The following SECISBP2 variants were observed in gnomAD, a reference collection of about 807,000 sequenced individuals.
SECISBP2 encodes the protein selenocysteine insertion sequence-binding protein 2.
Under a neutral mutation model 98.2 loss-of-function variants are expected in SECISBP2, and 96 were observed. The observed-to-expected ratio is 0.98, with a 90% confidence interval of 0.83 to 1.16. The LOEUF is 1.16. Among genes scored for constraint, SECISBP2 ranks in the 50% most tolerant of loss-of-function variants. The probability of loss-of-function intolerance (pLI) is 0.00; values close to 1 mark genes in which losing one functional copy is unlikely to be tolerated. For missense variants in SECISBP2, 1,046 were observed against 1,022.9 expected, an observed-to-expected ratio of 1.02 and a Z score of -0.31; for synonymous variants, 407 against 370.2, an observed-to-expected ratio of 1.10 and a Z score of -1.14.
intron 7 of SECISBP2, among the ~76,000 whole-genome samples, chr9:89,336,217 A>G (rs1022369785): frequency 7.0e-6 from 1 of 143,804 alleles, no homozygotes; most frequent in African/African-American, 2.6e-5. Context: ...TGTATTTTTT[A>G]TAGAGACAGG....
intron 4 of SECISBP2, among the ~76,000 whole-genome samples, chr9:89,326,456 C>T (rs1427997358): frequency 3.3e-5 from 5 of 152,166 alleles, no homozygotes; most frequent in Non-Finnish European, 5.9e-5. Flanking sequence ...AGAGGTTATG[C>T]GTTTTATGCT....
intron 7 of SECISBP2, among the ~76,000 whole-genome samples, chr9:89,337,537 GT>G (rs777840142): frequency 2.0e-5 from 3 of 151,918 alleles, no homozygotes; most frequent in Non-Finnish European, 4.4e-5. Flanking sequence ...CTGTTTTTTT[GT>G]TTTGTTTTGT....
chr9:89,364,272 G>T, downstream of SECISBP2: 1 of 418,404 alleles, frequency 2.4e-6, no homozygotes, highest in Non-Finnish European at 4.5e-6. Flanking sequence ...CTGGGCCTTG[G>T]AACAGCATCC....
chr9:89,334,694 C>T lies in SECISBP2; in HGVS notation c.1053C>T (p.Tyr351=). 1.2e-6 allele frequency: 2 copies of T among 1,613,892 alleles called. No individual in the cohort carries two copies. Among genetic ancestry groups the T allele is most frequent in the Non-Finnish European group, 8.5e-7 (1 of 1,179,922 alleles). ...SSEALSSDPS[Y]NKEKHIIHPT... ...AAGCTTTATCTTCGGATCCTTCCTA[C>T]AACAAAGAAAAACACATTATTCATC... Residue 351 remains tyrosine, a synonymous_variant, in exon 7 of 17, where the codon TAC becomes TAT. Transcript: ENST00000375807.
intron 2 of SECISBP2, chr9:89,324,179 G>A (rs949426562): frequency 1.4e-4 from 22 of 152,096 alleles, no homozygotes; most frequent in African/African-American, 5.1e-4. Flanking sequence ...ATACAGCACA[G>A]AATTCACAGG....
Position 89,319,509 on chromosome 9 carries a change from TTCTTG to T in SECISBP2, c.37-138_37-134del, listed in dbSNP as rs1297409617. 64 of 914,154 alleles carry T rather than the reference TTCTTG, an allele frequency of 7.0e-5. 1 individual carries two copies. The Admixed American group carries it at 1.1e-3, about 16-fold the overall frequency. The allele number at this position is 914,154 out of a possible 1,614,324, so 56.6% of individuals were successfully genotyped here. A position where few individuals can be genotyped will look rare whatever the true frequency, so the allele number is the denominator to read the frequency against. On this transcript the variant is annotated intron_variant, in intron 1 of 16. Transcript: ENST00000375807. ...TGGGGAGAAATCGTTAGCAAGCAGG[TTCTTG>T]TCTTTACGAGGCAGAAGTTTTTAAA...
intron 1 of SECISBP2, chr9:89,319,071 A>T: frequency 1.0e-6 from 1 of 1,003,080 alleles, no homozygotes; most frequent in Non-Finnish European, 1.2e-6. Context: ...GGTGAAAGTA[A>T]ATCTCTTACT....
the SECISBP2 span, among the ~76,000 whole-genome samples, chr9:89,365,864 A>C: frequency 6.6e-6 from 1 of 152,220 alleles, no homozygotes; most frequent in Non-Finnish European, 1.5e-5. Flanking sequence ...CAGTTTAATG[A>C]AGCTGACTTT....
At chr9:89,319,580 T>G in intron 1 of SECISBP2, 72 bp from the exon 2 acceptor site, 2 of 1,551,768 alleles carry the variant, frequency 1.3e-6, no homozygotes, top group Non-Finnish European at 1.8e-6. Flanking sequence ...GAACACCTCT[T>G]GGGTCTTTTT....
chr9:89,357,069 C>T (rs1832199894), intron 14 of SECISBP2: 2 of 368,028 alleles, frequency 5.4e-6, no homozygotes, highest in Non-Finnish European at 1.0e-5. Flanking sequence ...CTTAACCTTT[C>T]TGTGCCTCTG....
chr9:89,357,814 C>G (rs941494148), intron 15 of SECISBP2, among the ~76,000 whole-genome samples, 185 bp from the exon 16 acceptor site: 1 of 152,142 alleles, frequency 6.6e-6, no homozygotes, highest in African/African-American at 2.4e-5. Context: ...CTCAGGCAGG[C>G]CCAAGAAGTC....
chr9:89,354,502 A>G (rs985873402), intron 14 of SECISBP2, among the ~76,000 whole-genome samples: 2 of 152,204 alleles, frequency 1.3e-5, no homozygotes, highest in East Asian at 3.8e-4. Context: ...TTAGAGACTC[A>G]GCGCCTAGGG....
At chr9:89,357,962 C>A (rs376688274) in intron 15 of SECISBP2, 37 bp from the exon 16 acceptor site, 3 of 1,609,126 alleles carry the variant, frequency 1.9e-6, no homozygotes, top group Non-Finnish European at 2.5e-6. Context: ...TCCTCTGTAG[C>A]TGGGATGTTA....
intron 10 of SECISBP2, among the ~76,000 whole-genome samples, chr9:89,343,722 T>G (rs1363041188): frequency 6.6e-6 from 1 of 152,282 alleles, no homozygotes; most frequent in Non-Finnish European, 1.5e-5. Context: ...GTACCACATT[T>G]TCTTTATCCA....
At chr9:89,328,945 T>G in intron 5 of SECISBP2, 59 bp downstream of exon 5, 2 of 1,347,918 alleles carry the variant, frequency 1.5e-6, no homozygotes, top group Non-Finnish European at 2.1e-6. Context: ...TTGTCTCATT[T>G]CAAACATTAC....
rs1368548888 is a variant in SECISBP2 at position 89,347,015 on chromosome 9, C to G, written c.1569C>G (p.Ile523Met). ...TGAAGAAAGGGAAGCAGAGGGAGAT[C>G]CCCAAGGCCAAGAAGCCAACCTCAC... ...PLMKKGKQRE[I>M]PKAKKPTSLK... Residue 523 changes from isoleucine to methionine, a missense_variant, in exon 11 of 17, where the codon ATC becomes ATG. Coordinates refer to ENST00000375807, the MANE Select transcript of SECISBP2 (RefSeq NM_024077.5). 16 of 1,614,046 alleles carry G rather than the reference C, an allele frequency of 9.9e-6. No homozygotes were observed. Among genetic ancestry groups the G allele is most frequent in the Non-Finnish European group, 1.4e-5 (16 of 1,180,026 alleles).
At chr9:89,354,021 G>A (rs1564443884) in intron 14 of SECISBP2, among the ~76,000 whole-genome samples, 1 of 152,230 alleles carries the variant, frequency 6.6e-6, no homozygotes, top group Non-Finnish European at 1.5e-5. Flanking sequence ...TTGAAGTACT[G>A]TATTTGCTCT....
At chr9:89,362,758 T>C (rs189356654), downstream of SECISBP2, among the ~76,000 whole-genome samples, 1 of 152,368 alleles carries the variant, frequency 6.6e-6, no homozygotes, top group East Asian at 1.9e-4. Flanking sequence ...GGTGTACTGC[T>C]GGCAGCCACG....
intron 7 of SECISBP2, among the ~76,000 whole-genome samples, chr9:89,335,438 T>G (rs777592411): frequency 3.9e-5 from 6 of 151,950 alleles, no homozygotes; most frequent in Non-Finnish European, 8.8e-5. Context: ...GCTCAAGCAA[T>G]TCTCCTGCCT....
Sources: gnomAD v4.1 joint callset for allele counts (sites outside exome capture counted in the v4.1 genomes callset) on GRCh38, gnomAD v4.1.1 for gene constraint, MANE v1.5 for transcripts, NCBI Gene and HGNC (gene_info 2026-07-23, HGNC 2026-07-21) for gene names.